Variants in NALF2 observed in about 807,000 individuals in gnomAD.
NALF2 encodes NALCN channel auxiliary factor 2.
Under a neutral mutation model 24.8 loss-of-function variants are expected in NALF2, and 1 was observed. The ratio of observed to expected loss-of-function variants is 0.04; its 90% CI spans 0.01 to 0.19. The LOEUF (loss-of-function observed/expected upper bound fraction) is 0.19. Ranked by LOEUF, NALF2 falls within the 10% of genes least tolerant of loss-of-function variation. The pLI, the probability that NALF2 is intolerant of heterozygous loss-of-function variation, is 1.00. For synonymous variants in NALF2, 254 were observed against 189.8 expected (o/e 1.34, Z -2.78); for missense variants, 458 against 409.6 (o/e 1.12, Z -1.02).
At chrX:69,516,368 G>A (rs1930661375) in intron 1 of NALF2, among the ~76,000 whole-genome samples, 1 of 112,267 alleles carries the variant, frequency 8.9e-6, no homozygotes, top group African/African-American at 3.2e-5. Flanking sequence ...TCTCCCTACA[G>A]GTGGTGACTT....
intron 1 of NALF2, among the ~76,000 whole-genome samples, chrX:69,521,085 C>T (rs1930726854): frequency 8.9e-6 from 1 of 112,005 alleles, no homozygotes; most frequent in African/African-American, 3.2e-5. Flanking sequence ...AAGCCCAGCT[C>T]CTTGTCAGCT....
rs1438325002 is a variant in NALF2, at chrX:69,505,324, C to T, written c.42C>T (p.Ala14=). The change falls in exon 1 of 3, where the codon GCC becomes GCT. Residue 14 remains alanine (A), a synonymous_variant. Coordinates refer to ENST00000252338, the MANE Select transcript of NALF2 (RefSeq NM_015686.3). ...GGATGTGGCCCGGGAAAGACGCCGCCGCGCTGACTATCTGCTGCTGCTGCT... is the reference window on the plus strand; with the variant it reads ...GGATGTGGCCCGGGAAAGACGCCGCTGCGCTGACTATCTGCTGCTGCTGCT... ...GAWMWPGKDA[A]ALTICCCCCC... The T allele has an allele frequency of 1.7e-6, 2 of 1,157,747 alleles. No individual in the cohort carries two copies. The highest frequency in any genetic ancestry group is 2.3e-6 in the Non-Finnish European group (2 of 868,697).
intron 1 of NALF2, among the ~76,000 whole-genome samples, chrX:69,514,963 AATTT>A (rs1930642276): frequency 8.9e-6 from 1 of 112,219 alleles, no homozygotes; most frequent in African/African-American, 3.2e-5. Flanking sequence ...AATGTAATGT[AATTT>A]ATTTAACTAG....
chrX:69,504,743 G>A lies in NALF2; in HGVS notation c.-540G>A, dbSNP rs1406391180. 4.5e-5 allele frequency among the ~76,000 whole-genome samples: 5 copies of A among 110,190 alleles called. No individual in the cohort carries two copies. In the East Asian group the frequency reaches 1.5e-3, roughly 32 times the overall value. ...GGAGGGCGCGAGCGAGGCAGGGAGC[G>A]GCGTGGAGCGGGCAGCGGGCGGACG... On this transcript the variant is annotated 5_prime_UTR_variant, in exon 1 of 3. Transcript: ENST00000252338.
At position 69,505,579 on chromosome X, in the gene NALF2, G is replaced by C. The variant is rs1289694350; in HGVS notation, c.297G>C (p.Leu99=). The change falls in exon 1 of 3, where the codon CTG becomes CTC. Residue 99 remains leucine (L), a synonymous_variant. Transcript: ENST00000252338. Reference sequence around the variant, plus strand: ...TGCCTCCTCGCGCGGTGCTGCCGCTGCCGCCGCCGCCGCCCGGCGAGCCCA... The same window carrying C: ...TGCCTCCTCGCGCGGTGCTGCCGCTCCCGCCGCCGCCGCCCGGCGAGCCCA... ...QPVPPRAVLP[L]PPPPPGEPSA... 1 of 997,865 alleles carries C rather than the reference G, an allele frequency of 1.0e-6. No homozygotes were observed. Among genetic ancestry groups the C allele is most frequent in the Non-Finnish European group, 1.3e-6 (1 of 796,624 alleles). 82.2% of individuals were successfully genotyped at this position (997,865 alleles called of 1,213,427 possible).
intron 1 of NALF2, among the ~76,000 whole-genome samples, chrX:69,507,507 G>GAC (rs1242863331): frequency 9.0e-6 from 1 of 110,781 alleles, no homozygotes; most frequent in Admixed American, 9.6e-5. Context: ...CAGACAGATA[G>GAC]ACACACACAC....
chrX:69,525,936 T>G (rs1291248265), intron 1 of NALF2, among the ~76,000 whole-genome samples: 1 of 110,547 alleles, frequency 9.0e-6, no homozygotes, highest in Non-Finnish European at 1.9e-5. Flanking sequence ...TTACCCTGCC[T>G]CCTATTTTCA....
chrX:69,519,892 C>G (rs1466877142), intron 1 of NALF2, among the ~76,000 whole-genome samples: 1 of 112,313 alleles, frequency 8.9e-6, no homozygotes, highest in Non-Finnish European at 1.9e-5. Flanking sequence ...TGAAACTGCT[C>G]TCACCATAAT....
At chrX:69,507,845 G>GT (rs1930517614) in intron 1 of NALF2, among the ~76,000 whole-genome samples, 1 of 111,127 alleles carries the variant, frequency 9.0e-6, no homozygotes, top group South Asian at 3.8e-4. Flanking sequence ...TGTTTGTTTT[G>GT]TTTTTTTCCT....
At chrX:69,506,219 G>T in intron 1 of NALF2, 76 bp downstream of exon 1, 7 of 1,078,039 alleles carry the variant, frequency 6.5e-6, no homozygotes, top group Non-Finnish European at 8.7e-6. Flanking sequence ...GGAGAAAAAA[G>T]GAAGTCTCCC....
At chrX:69,517,201 T>G (rs1009830614) in intron 1 of NALF2, among the ~76,000 whole-genome samples, 2 of 112,018 alleles carry the variant, frequency 1.8e-5, no homozygotes, top group Non-Finnish European at 3.8e-5. Context: ...TTCTTTAATC[T>G]CTATTGGCAT....
intron 1 of NALF2, among the ~76,000 whole-genome samples, chrX:69,519,553 A>G (rs769835840): frequency 8.9e-6 from 1 of 112,347 alleles, no homozygotes; most frequent in Non-Finnish European, 1.9e-5. Context: ...AATGTGATAC[A>G]GTCCTCCAAA....
At chrX:69,511,225 C>T (rs1236979474) in intron 1 of NALF2, among the ~76,000 whole-genome samples, 1 of 108,420 alleles carries the variant, frequency 9.2e-6, no homozygotes, top group East Asian at 2.9e-4. Context: ...TTCCACATTA[C>T]TCCCCCTATT....
chrX:69,522,814 C>T, intron 1 of NALF2, among the ~76,000 whole-genome samples: 1 of 112,289 alleles, frequency 8.9e-6, no homozygotes, highest in Non-Finnish European at 1.9e-5. Flanking sequence ...TCCTCACACA[C>T]TTCTCTGTGT....
intron 1 of NALF2, among the ~76,000 whole-genome samples, chrX:69,507,600 AAGC>A (rs1042232886): frequency 9.0e-6 from 1 of 111,567 alleles, no homozygotes; most frequent in Non-Finnish European, 1.9e-5. Flanking sequence ...GTGTCATTAG[AAGC>A]AGATGCCGTG....
chrX:69,525,328 G>A (rs953352712), intron 1 of NALF2, among the ~76,000 whole-genome samples: 5 of 111,510 alleles, frequency 4.5e-5, no homozygotes, highest in Non-Finnish European at 9.4e-5. Context: ...ACATTTTGGG[G>A]TGAGGGTGAG....
At position 69,532,348 on chromosome X, in the gene NALF2, G is replaced by A. The variant is rs1215766317; in HGVS notation, c.*2392G>A. ...CCCCCATCCCTTCCTCCCTTACCCA[G>A]CTATGATTCAGTTGTCTCTGCCCTC... On this transcript the variant is annotated 3_prime_UTR_variant, in exon 3 of 3. Transcript: ENST00000252338. The A allele has an allele frequency of 8.9e-6, 1 of 111,951 alleles. No homozygotes were observed. Among genetic ancestry groups the A allele is most frequent in the Admixed American group, 9.4e-5 (1 of 10,586 alleles). 9.2% of individuals were successfully genotyped at this position (111,951 alleles called of 1,213,427 possible).
rs1005425404 is a variant in NALF2 at position 69,506,017 on chromosome X, C to G, written c.735C>G (p.Asn245Lys). ...PGSGAWEACS[N>K]CIEAYQRLDR... ...CCGGGGCCTGGGAGGCGTGTAGCAACTGTATCGAGGCGTACCAGCGGCTGG... is the reference window on the plus strand; with the variant it reads ...CCGGGGCCTGGGAGGCGTGTAGCAAGTGTATCGAGGCGTACCAGCGGCTGG... Residue 245 changes from asparagine to lysine, a missense_variant, in exon 1 of 3, where the codon AAC (asparagine) becomes AAG (lysine). Physicochemically the swap from Asn to Lys is moderately conservative, Grantham distance 94 (BLOSUM62 0). Transcript: ENST00000252338. 2 of 1,211,481 alleles carry G rather than the reference C, an allele frequency of 1.7e-6. No homozygotes were observed. The highest frequency in any genetic ancestry group is 2.2e-6 in the Non-Finnish European group (2 of 895,301).
rs1251831835 is a variant in NALF2, at chrX:69,505,313, A to G, written c.31A>G (p.Lys11Glu). The change falls in exon 1 of 3, where the codon AAA (lysine) becomes GAA (glutamate). Residue 11 changes from lysine (K) to glutamate (E), a missense_variant. Lys to Glu is a moderately conservative substitution (Grantham distance 56). Coordinates refer to ENST00000252338, the MANE Select transcript of NALF2 (RefSeq NM_015686.3). MFRGAWMWPG[K>E]DAAALTICCC... ...CAGGGGCGCTTGGATGTGGCCCGGG[A>G]AAGACGCCGCCGCGCTGACTATCTG... 8.7e-6 allele frequency: 10 copies of G among 1,153,375 alleles called. No individual in the cohort carries two copies. Among genetic ancestry groups the G allele is most frequent in the Non-Finnish European group, 1.2e-5 (10 of 867,182 alleles).
Sources: allele counts gnomAD v4.1 joint callset (sites outside exome capture counted in the v4.1 genomes callset), GRCh38; gene constraint gnomAD v4.1.1; transcripts MANE v1.5; gene names NCBI Gene and HGNC (gene_info 2026-07-23, HGNC 2026-07-21).